FGF10: variants seen among roughly 807,000 people sequenced by gnomAD.
FGF10 encodes the protein fibroblast growth factor 10, also known as FGF-10.
Under a neutral mutation model 19.8 loss-of-function variants are expected in FGF10, and 2 were observed. The observed-to-expected ratio is 0.10, with a 90% CI of 0.04 to 0.32. The LOEUF (loss-of-function observed/expected upper bound fraction) is 0.32. Ranked by LOEUF, FGF10 falls within the 10% of genes least tolerant of loss-of-function variation. FGF10 has a pLI of 1.00. For synonymous variants in FGF10, 112 were observed against 94.0 expected, an observed-to-expected ratio of 1.19 and a Z score of -1.10; for missense variants, 191 against 246.3, an observed-to-expected ratio of 0.78 and a Z score of 1.50.
chr5:44,373,411 G>A (rs1447195447), intron 1 of FGF10, among the ~76,000 whole-genome samples: 1 of 152,086 alleles, frequency 6.6e-6, no homozygotes, highest in Non-Finnish European at 1.5e-5. Flanking sequence ...TTTTGATTCT[G>A]CTTAACAGTT....
chr5:44,323,971 A>G (rs145889938), intron 1 of FGF10, among the ~76,000 whole-genome samples: 56 of 152,262 alleles, frequency 3.7e-4, no homozygotes, highest in Admixed American at 1.3e-3. Context: ...CAAAGAGAAT[A>G]GTAAGTGGAT....
chr5:44,358,428 T>A (rs546426625), intron 1 of FGF10, among the ~76,000 whole-genome samples: 1 of 151,610 alleles, frequency 6.6e-6, no homozygotes, highest in African/African-American at 2.4e-5. Context: ...TTTGGCTTAA[T>A]AAGCACATAT....
At position 44,303,741 on chromosome 5, in the gene FGF10, T is replaced by C. The variant is rs1740012238; in HGVS notation, c.*1254A>G. ...ATCATACAGCTAGAACAGGTTTTTG[T>C]ATATGGTTACACATATACCAGTATA... On this transcript the variant is annotated 3_prime_UTR_variant, in exon 3 of 3. Transcript: ENST00000264664. The C allele has an allele frequency of 1.3e-5, 2 of 152,226 alleles. No homozygotes were observed. Among genetic ancestry groups the C allele is most frequent in the Admixed American group, 1.3e-4 (2 of 15,274 alleles). 9.4% of individuals were successfully genotyped at this position (152,226 alleles called of 1,614,324 possible).
At chr5:44,377,631 C>T (rs1016149731) in intron 1 of FGF10, among the ~76,000 whole-genome samples, 2 of 152,062 alleles carry the variant, frequency 1.3e-5, no homozygotes, top group Non-Finnish European at 2.9e-5. Context: ...ATTTTAAGCA[C>T]CTTGTTCTCT....
At chr5:44,313,083 T>G (rs1740250157) in intron 1 of FGF10, among the ~76,000 whole-genome samples, 1 of 152,002 alleles carries the variant, frequency 6.6e-6, no homozygotes, top group African/African-American at 2.4e-5. Flanking sequence ...CTTAAAAAGG[T>G]TTAGCTATTA....
intron 2 of FGF10, among the ~76,000 whole-genome samples, chr5:44,309,192 G>A (rs1200069084): frequency 6.6e-6 from 1 of 152,006 alleles, no homozygotes; most frequent in East Asian, 1.9e-4. Flanking sequence ...AATATTACAT[G>A]TCCTCCAAAA....
intron 2 of FGF10, among the ~76,000 whole-genome samples, chr5:44,306,289 C>T (rs541657141): frequency 3.3e-5 from 5 of 152,142 alleles, no homozygotes; most frequent in Admixed American, 2.6e-4. Flanking sequence ...CTCAGCTACT[C>T]GGCAGGCTGA....
At chr5:44,327,346 C>A (rs1740638401) in intron 1 of FGF10, among the ~76,000 whole-genome samples, 1 of 152,128 alleles carries the variant, frequency 6.6e-6, no homozygotes, top group African/African-American at 2.4e-5. Flanking sequence ...CAGAATTATT[C>A]TGCTCAGTCT....
intron 1 of FGF10, among the ~76,000 whole-genome samples, chr5:44,341,603 T>C (rs994049279): frequency 2.0e-5 from 3 of 151,948 alleles, no homozygotes; most frequent in African/African-American, 7.2e-5. Context: ...ATAGACCAAC[T>C]TACTGTAATG....
chr5:44,328,896 G>A (rs1740670237), intron 1 of FGF10, among the ~76,000 whole-genome samples: 1 of 152,160 alleles, frequency 6.6e-6, no homozygotes, highest in Non-Finnish European at 1.5e-5. Context: ...TACTGAGGAA[G>A]CTGAGTTGGG....
intron 1 of FGF10, among the ~76,000 whole-genome samples, chr5:44,368,512 A>G (rs185728124): frequency 6.6e-6 from 1 of 152,230 alleles, no homozygotes; most frequent in African/African-American, 2.4e-5. Flanking sequence ...CAGACTAATT[A>G]GTTATGGCCA....
intron 1 of FGF10, among the ~76,000 whole-genome samples, chr5:44,375,731 G>A (rs1222867372): frequency 1.3e-5 from 2 of 152,038 alleles, no homozygotes; most frequent in African/African-American, 4.8e-5. Context: ...AGTACACTGA[G>A]ACTGAACAGG....
intron 1 of FGF10, among the ~76,000 whole-genome samples, chr5:44,362,039 C>T (rs1741493929): frequency 6.6e-6 from 1 of 151,612 alleles, no homozygotes; most frequent in African/African-American, 2.4e-5. Flanking sequence ...AGACTATACT[C>T]TCTAAAAAGC....
At chr5:44,372,188 C>T (rs1473814859) in intron 1 of FGF10, among the ~76,000 whole-genome samples, 2 of 152,122 alleles carry the variant, frequency 1.3e-5, no homozygotes, top group African/African-American at 2.4e-5. Context: ...CAGGGGACAG[C>T]GTCCATTGCC....
chr5:44,373,480 G>A (rs1257726220), intron 1 of FGF10, among the ~76,000 whole-genome samples: 3 of 152,006 alleles, frequency 2.0e-5, no homozygotes, highest in African/African-American at 7.3e-5. Flanking sequence ...GAAGAAACCA[G>A]GCTGATCCTT....
At chr5:44,336,993 C>T (rs934671846) in intron 1 of FGF10, among the ~76,000 whole-genome samples, 3 of 151,978 alleles carry the variant, frequency 2.0e-5, no homozygotes, top group African/African-American at 7.2e-5. Context: ...ATCCTATATT[C>T]CCTGACAGCT....
intron 1 of FGF10, among the ~76,000 whole-genome samples, chr5:44,353,274 T>C (rs892804584): frequency 6.6e-6 from 1 of 151,756 alleles, no homozygotes; most frequent in African/African-American, 2.4e-5. Flanking sequence ...GACCTGTTTG[T>C]TATTGTTGTT....
chr5:44,328,424 C>A (rs1009748026), intron 1 of FGF10, among the ~76,000 whole-genome samples: 3 of 152,108 alleles, frequency 2.0e-5, no homozygotes, highest in Non-Finnish European at 2.9e-5. Flanking sequence ...GAGATCTTAA[C>A]CCATACTGAC....
chr5:44,348,898 A>G (rs971503335), intron 1 of FGF10, among the ~76,000 whole-genome samples: 2 of 151,386 alleles, frequency 1.3e-5, no homozygotes, highest in Admixed American at 6.6e-5. Context: ...TAAATGCTCA[A>G]TCTTATGTGT....
Sources: allele counts gnomAD v4.1 joint callset (sites outside exome capture counted in the v4.1 genomes callset), GRCh38; gene constraint gnomAD v4.1.1; transcripts MANE v1.5; gene names NCBI Gene and HGNC (gene_info 2026-07-23, HGNC 2026-07-21).